Variants in PBRM1 observed in about 807,000 individuals in gnomAD.
PBRM1 encodes the protein protein polybromo-1.
Under a neutral mutation model 194.5 loss-of-function variants are expected in PBRM1, and 27 were observed. The ratio of observed to expected loss-of-function variants is 0.14; its 90% CI spans 0.10 to 0.19. The LOEUF (loss-of-function observed/expected upper bound fraction) is 0.19. Ranked by LOEUF, PBRM1 falls within the 10% of genes least tolerant of loss-of-function variation. The probability of loss-of-function intolerance (pLI) is 1.00; values close to 1 mark genes in which losing one functional copy is unlikely to be tolerated. For synonymous variants in PBRM1, 655 were observed against 693.2 expected, an observed-to-expected ratio of 0.94 and a Z score of 0.87; for missense variants, 1,466 against 2,077.2, an observed-to-expected ratio of 0.71 and a Z score of 5.72.
At chr3:52,668,752 T>C (rs1383106179) in intron 2 of PBRM1, 107 bp from the exon 4 acceptor site, 1 of 479,522 alleles carries the variant, frequency 2.1e-6, no homozygotes, top group African/African-American at 2.1e-5. Context: ...ACAGAGCATA[T>C]TAGAATCTTT....
chr3:52,678,068 C>CACA (rs774056089), intron 2 of PBRM1, among the ~76,000 whole-genome samples: 13 of 151,598 alleles, frequency 8.6e-5, no homozygotes, highest in Non-Finnish European at 1.8e-4. Flanking sequence ...AGATGGGTCT[C>CACA]ACTATGTTGC....
At chr3:52,660,423 T>C (rs1213101085) in intron 4 of PBRM1, among the ~76,000 whole-genome samples, 2 of 151,930 alleles carry the variant, frequency 1.3e-5, no homozygotes, top group Non-Finnish European at 2.9e-5. Context: ...TATTTACATA[T>C]CATATATAAA....
intron 12 of PBRM1, among the ~76,000 whole-genome samples, chr3:52,628,522 G>A (rs2095517364): frequency 6.6e-6 from 1 of 151,396 alleles, no homozygotes; most frequent in Non-Finnish European, 1.5e-5. Flanking sequence ...CCAAGCTGGA[G>A]TGCAGTGGTG....
intron 25 of PBRM1, among the ~76,000 whole-genome samples, chr3:52,561,441 C>A (rs1559872931): frequency 6.6e-6 from 1 of 152,160 alleles, no homozygotes. Flanking sequence ...TATTTAACAT[C>A]ATTGTACAAT....
intron 16 of PBRM1, among the ~76,000 whole-genome samples, chr3:52,608,063 A>C (rs1036898818): frequency 1.3e-5 from 2 of 152,218 alleles, no homozygotes; most frequent in African/African-American, 4.8e-5. Context: ...AGTTCCTTAC[A>C]TCACCATCTT....
chr3:52,579,333 C>T, intron 20 of PBRM1, 134 bp from the exon 23 acceptor site: 2 of 807,754 alleles, frequency 2.5e-6, no homozygotes. Context: ...CTCACGTAAT[C>T]CCAGCATTTT....
intron 15 of PBRM1, among the ~76,000 whole-genome samples, chr3:52,614,373 C>CA (rs1165930996): frequency 0.087 from 3,533 of 40,698 alleles, 407 homozygotes; most frequent in Non-Finnish European, 0.11. Context: ...GATGCTTCAT[C>CA]AAAAAAAAAA....
chr3:52,604,677 G>A (rs1307400661), intron 16 of PBRM1, among the ~76,000 whole-genome samples: 1 of 150,598 alleles, frequency 6.6e-6, no homozygotes, highest in Non-Finnish European at 1.5e-5. Flanking sequence ...CTGGGCAACA[G>A]AGCAAGACCC....
chr3:52,552,463 T>C (rs2081210669), intron 27 of PBRM1, among the ~76,000 whole-genome samples: 1 of 152,158 alleles, frequency 6.6e-6, no homozygotes, highest in Admixed American at 6.5e-5. Flanking sequence ...TTAAATAAAA[T>C]AGATATGGGG....
At chr3:52,591,167 T>C (rs988154543) in intron 17 of PBRM1, among the ~76,000 whole-genome samples, 6 of 152,180 alleles carry the variant, frequency 3.9e-5, no homozygotes, top group African/African-American at 7.2e-5. Flanking sequence ...GCTGAGACTA[T>C]GGGTTTATTA....
chr3:52,591,150 C>G (rs878915892), intron 17 of PBRM1, among the ~76,000 whole-genome samples: 1 of 152,150 alleles, frequency 6.6e-6, no homozygotes, highest in Non-Finnish European at 1.5e-5. Flanking sequence ...GCTGAAGGAG[C>G]TTTTGGGCTG....
intron 3 of PBRM1, among the ~76,000 whole-genome samples, chr3:52,668,087 G>C (rs971563655): frequency 1.1e-4 from 16 of 152,168 alleles, no homozygotes; most frequent in Non-Finnish European, 2.1e-4. Context: ...CTTGAGCCCA[G>C]GAGTTCAAGA....
intron 17 of PBRM1, 46 bp from the exon 20 acceptor site, chr3:52,589,301 AGG>A: frequency 7.7e-7 from 1 of 1,302,686 alleles, no homozygotes; most frequent in South Asian, 1.5e-5. Context: ...TACTCACCAA[AGG>A]GATGCTGAAG....
chr3:52,632,648 G>T (rs2095658320), intron 11 of PBRM1, among the ~76,000 whole-genome samples: 1 of 149,766 alleles, frequency 6.7e-6, no homozygotes, highest in Non-Finnish European at 1.5e-5. Flanking sequence ...CCCCCAATTT[G>T]AAAAATTTTG....
intron 4 of PBRM1, among the ~76,000 whole-genome samples, chr3:52,660,611 CAAGCGA>C (rs2096703924): frequency 6.6e-6 from 1 of 152,058 alleles, no homozygotes; most frequent in Non-Finnish European, 1.5e-5. Flanking sequence ...CTCCCGGGTT[CAAGCGA>C]TTCTCCTGCC....
rs141529211 is a variant in PBRM1 at position 52,596,146 on chromosome 3, T to C, written c.2780-6891A>G. Among the ~76,000 whole-genome samples, 35 of 152,166 alleles carry C rather than the reference T, an allele frequency of 2.3e-4. 1 individual carries two copies. In the East Asian group the frequency reaches 6.6e-3, roughly 29 times the overall value. On this transcript the variant is annotated intron_variant, in intron 17 of 29. Transcript: ENST00000296302. ...TGAGTCTTTTATGGTTCCATATAAA[T>C]TGTAGGATTGTGGCTGGGCGCGGTG...
At chr3:52,652,269 A>G (rs2096517182) in intron 5 of PBRM1, among the ~76,000 whole-genome samples, 1 of 151,908 alleles carries the variant, frequency 6.6e-6, no homozygotes, top group South Asian at 2.1e-4. Context: ...CTGTAATCCC[A>G]GCTACTCAGG....
At chr3:52,618,372 A>T (rs1413116765) in intron 13 of PBRM1, among the ~76,000 whole-genome samples, 3 of 152,176 alleles carry the variant, frequency 2.0e-5, no homozygotes, top group Non-Finnish European at 4.4e-5. Context: ...AATTGCTGAG[A>T]AAACTGGCTC....
intron 2 of PBRM1, among the ~76,000 whole-genome samples, chr3:52,672,640 G>A (rs1471697982): frequency 5.9e-5 from 9 of 151,498 alleles, no homozygotes; most frequent in African/African-American, 2.2e-4. Flanking sequence ...GATTATAGGT[G>A]CACACCACCA....
Sources: gnomAD v4.1 joint callset for allele counts (sites outside exome capture counted in the v4.1 genomes callset) on GRCh38, gnomAD v4.1.1 for gene constraint, MANE v1.5 for transcripts, NCBI Gene and HGNC (gene_info 2026-07-23, HGNC 2026-07-21) for gene names.